Variants in GRIA4 observed in about 807,000 individuals in gnomAD.
GRIA4 encodes the protein glutamate ionotropic receptor AMPA type subunit 4.
GRIA4 carries 34 observed loss-of-function variants against 104.0 expected under a neutral mutation model. The ratio of observed to expected loss-of-function variants is 0.33; its 90% CI spans 0.25 to 0.44. The LOEUF is 0.44. Among genes scored for constraint, GRIA4 ranks in the 20% least tolerant of loss-of-function variants. GRIA4 has a pLI of 1.00. For synonymous variants in GRIA4, 386 were observed against 381.9 expected, an observed-to-expected ratio of 1.01 and a Z score of -0.13; for missense variants, 750 against 1,096.5, an observed-to-expected ratio of 0.68 and a Z score of 4.46.
intron 3 of GRIA4, among the ~76,000 whole-genome samples, chr11:105,619,007 A>G (rs1950670512): frequency 6.6e-6 from 1 of 152,016 alleles, no homozygotes. Flanking sequence ...AAGAATTGCA[A>G]GGATAACTGT....
intron 3 of GRIA4, among the ~76,000 whole-genome samples, chr11:105,656,794 T>C (rs932631659): frequency 2.0e-5 from 3 of 152,226 alleles, no homozygotes; most frequent in Admixed American, 6.6e-5. Flanking sequence ...ACAATATCAG[T>C]ATGTGTTTCA....
Position 105,981,453 on chromosome 11 carries a change from T to C in GRIA4, c.*1714T>C, listed in dbSNP as rs1241942887. 1 of 152,262 alleles carries C rather than the reference T, an allele frequency of 6.6e-6. No individual in the cohort carries two copies. Among genetic ancestry groups the C allele is most frequent in the African/African-American group, 2.4e-5 (1 of 41,298 alleles). The allele number at this position is 152,262 out of a possible 1,614,324, so 9.4% of individuals were successfully genotyped here. A position where few individuals can be genotyped will look rare whatever the true frequency, so the allele number is the denominator to read the frequency against. ...TACAGGGATATTATGGAAGATAAAG[T>C]TGGAAAAGCTGAAGGATTGATTTTC... On this transcript the variant is annotated 3_prime_UTR_variant, in exon 17 of 17. Transcript: ENST00000282499.
At chr11:105,639,419 AG>A (rs953872319) in intron 3 of GRIA4, among the ~76,000 whole-genome samples, 6 of 152,176 alleles carry the variant, frequency 3.9e-5, no homozygotes, top group Non-Finnish European at 7.4e-5. Context: ...TGAAGATCTC[AG>A]CATCGCAGTC....
chr11:105,622,889 T>C (rs1950786323), intron 3 of GRIA4, among the ~76,000 whole-genome samples: 1 of 151,720 alleles, frequency 6.6e-6, no homozygotes, highest in Non-Finnish European at 1.5e-5. Flanking sequence ...AACTCAGTTG[T>C]CCATGAGTAC....
intron 4 of GRIA4, among the ~76,000 whole-genome samples, chr11:105,812,261 C>T (rs1943203856): frequency 6.6e-6 from 1 of 152,188 alleles, no homozygotes; most frequent in Non-Finnish European, 1.5e-5. Context: ...TGTGTGTCTC[C>T]ACCCTTCACC....
intron 10 of GRIA4, 134 bp downstream of exon 10, chr11:105,910,679 A>T: frequency 1.7e-6 from 1 of 584,404 alleles, no homozygotes; most frequent in Non-Finnish European, 3.1e-6. Context: ...ACAAAATCCT[A>T]TTGAGGCTTT....
chr11:105,710,274 A>C (rs1953864489), intron 3 of GRIA4, among the ~76,000 whole-genome samples: 1 of 152,030 alleles, frequency 6.6e-6, no homozygotes. Context: ...CTCTGTAGTA[A>C]AAAGAAACAC....
intron 3 of GRIA4, among the ~76,000 whole-genome samples, chr11:105,745,395 C>A (rs1361176321): frequency 6.6e-6 from 1 of 152,152 alleles, no homozygotes; most frequent in Non-Finnish European, 1.5e-5. Flanking sequence ...GCCACTTTGC[C>A]AAACCGGAGC....
intron 3 of GRIA4, among the ~76,000 whole-genome samples, chr11:105,708,171 T>A (rs913464598): frequency 3.9e-5 from 6 of 152,174 alleles, no homozygotes; most frequent in Non-Finnish European, 8.8e-5. Context: ...AAAGACATTT[T>A]TGCATTTTAG....
At chr11:105,917,840 G>GTC (rs1485047743) in intron 10 of GRIA4, among the ~76,000 whole-genome samples, 4 of 151,606 alleles carry the variant, frequency 2.6e-5, no homozygotes, top group African/African-American at 9.7e-5. Context: ...GTGTGTGTGT[G>GTC]TGTGTGTGTG....
chr11:105,612,394 C>T lies in GRIA4; in HGVS notation c.207C>T (p.Asp69=). 6.2e-7 allele frequency: 1 copy of T among 1,614,056 alleles called. No homozygotes were observed. The highest frequency in any genetic ancestry group is 8.5e-7 in the Non-Finnish European group (1 of 1,179,942). The change falls in exon 3 of 17, where the codon GAC becomes GAT. Residue 69 remains aspartate, a synonymous_variant. Transcript: ENST00000282499. ...EAPFNLVPHV[D]NIETANSFAV... ...CTTTTAATTTGGTACCTCATGTGGA[C>T]AACATTGAGACAGCCAACAGTTTTG...
intron 4 of GRIA4, among the ~76,000 whole-genome samples, chr11:105,838,668 T>C (rs1218152669): frequency 6.6e-6 from 1 of 152,194 alleles, no homozygotes; most frequent in East Asian, 1.9e-4. Context: ...CTTTTTCTCA[T>C]AGACGCTATT....
intron 3 of GRIA4, among the ~76,000 whole-genome samples, chr11:105,703,720 C>T (rs1266952514): frequency 2.0e-5 from 3 of 151,928 alleles, no homozygotes; most frequent in South Asian, 2.1e-4. Flanking sequence ...AGAGTTAAGA[C>T]TATGATTTTA....
At chr11:105,843,522 G>A (rs688950) in intron 4 of GRIA4, among the ~76,000 whole-genome samples, 5,719 of 152,204 alleles carry the variant, frequency 0.038, 374 homozygotes, top group African/African-American at 0.13. Flanking sequence ...TGTATCACCT[G>A]TTTCAGTCTT....
chr11:105,746,275 G>T (rs572945174), intron 3 of GRIA4, among the ~76,000 whole-genome samples: 174 of 152,076 alleles, frequency 1.1e-3, no homozygotes, highest in South Asian at 1.9e-3. Flanking sequence ...TATTATTGTG[G>T]TTTTTTAGTT....
At chr11:105,677,490 AT>A (rs1244250881) in intron 3 of GRIA4, among the ~76,000 whole-genome samples, 2 of 151,868 alleles carry the variant, frequency 1.3e-5, no homozygotes, top group Non-Finnish European at 2.9e-5. Flanking sequence ...AGAACTAGGA[AT>A]TTTTTTCAGA....
At chr11:105,844,801 C>T (rs1433591615) in intron 4 of GRIA4, among the ~76,000 whole-genome samples, 1 of 152,186 alleles carries the variant, frequency 6.6e-6, no homozygotes, top group Non-Finnish European at 1.5e-5. Flanking sequence ...ACTGCTACTA[C>T]TATTGCACAC....
intron 7 of GRIA4, among the ~76,000 whole-genome samples, chr11:105,900,463 C>T (rs1479462175): frequency 1.3e-5 from 2 of 152,148 alleles, no homozygotes; most frequent in African/African-American, 2.4e-5. Context: ...TCCCTGTGCA[C>T]GTGCTTCTAC....
intron 3 of GRIA4, 109 bp downstream of exon 3, chr11:105,612,543 C>G: frequency 1.2e-6 from 1 of 830,936 alleles, no homozygotes; most frequent in Non-Finnish European, 1.8e-6. Context: ...AAGATTCCCA[C>G]AGTTGCCTGG....
Sources: gnomAD v4.1 joint callset for allele counts (sites outside exome capture counted in the v4.1 genomes callset) on GRCh38, gnomAD v4.1.1 for gene constraint, MANE v1.5 for transcripts, NCBI Gene and HGNC (gene_info 2026-07-23, HGNC 2026-07-21) for gene names.